Variants in ADGRL3 observed in about 807,000 individuals in gnomAD.
ADGRL3 encodes calcium-independent alpha-latrotoxin receptor 3.
A neutral mutation model predicts 153.5 loss-of-function variants in ADGRL3; 62 were observed. The observed-to-expected ratio is 0.40, with a 90% CI of 0.33 to 0.50. The LOEUF (loss-of-function observed/expected upper bound fraction) is 0.50, where lower values mean the gene tolerates loss of function less well. Ranked by LOEUF, ADGRL3 falls within the 20% of genes least tolerant of loss-of-function variation. The probability of loss-of-function intolerance (pLI) is 0.47; values close to 1 mark genes in which losing one functional copy is unlikely to be tolerated. For synonymous variants in ADGRL3, 710 were observed against 672.5 expected (o/e 1.06, Z -0.86); for missense variants, 1,641 against 1,859.4 (o/e 0.88, Z 2.16).
intron 1 of ADGRL3, among the ~76,000 whole-genome samples, chr4:61,316,034 T>C (rs1310618055): frequency 6.6e-6 from 1 of 152,128 alleles, no homozygotes; most frequent in Non-Finnish European, 1.5e-5. Context: ...TTAATTCCAT[T>C]TGGGGGAGAC....
At chr4:61,951,290 C>T (rs2098946332) in intron 17 of ADGRL3, among the ~76,000 whole-genome samples, 1 of 152,120 alleles carries the variant, frequency 6.6e-6, no homozygotes, top group Admixed American at 6.5e-5. Flanking sequence ...TTCTCAGAAT[C>T]CCCAGAGTTC....
intron 17 of ADGRL3, among the ~76,000 whole-genome samples, chr4:61,972,063 T>C (rs1444697654): frequency 2.0e-5 from 3 of 152,038 alleles, no homozygotes; most frequent in African/African-American, 7.2e-5. Context: ...ATTAGCCCTT[T>C]GTCAGATGAG....
At chr4:61,808,656 A>C (rs2097575930) in intron 8 of ADGRL3, among the ~76,000 whole-genome samples, 1 of 152,212 alleles carries the variant, frequency 6.6e-6, no homozygotes, top group Non-Finnish European at 1.5e-5. Context: ...TGAAGACAAA[A>C]AAAATCAAGC....
At chr4:61,464,019 A>G (rs969678500) in intron 2 of ADGRL3, among the ~76,000 whole-genome samples, 5 of 152,184 alleles carry the variant, frequency 3.3e-5, no homozygotes, top group African/African-American at 1.2e-4. Context: ...CTCTATTACA[A>G]CTACGCACAT....
At chr4:61,901,797 G>A (rs2098666080) in intron 11 of ADGRL3, among the ~76,000 whole-genome samples, 1 of 152,040 alleles carries the variant, frequency 6.6e-6, no homozygotes, top group Non-Finnish European at 1.5e-5. Context: ...TTTAACTAAA[G>A]CTACTGGGTT....
At chr4:61,883,989 A>G (rs1208785477) in intron 9 of ADGRL3, among the ~76,000 whole-genome samples, 3 of 152,132 alleles carry the variant, frequency 2.0e-5, no homozygotes, top group South Asian at 2.1e-4. Flanking sequence ...TGTATTTTCT[A>G]TCTTCTTTGG....
intron 4 of ADGRL3, among the ~76,000 whole-genome samples, chr4:61,571,489 G>A (rs1174737801): frequency 2.0e-5 from 3 of 151,910 alleles, no homozygotes; most frequent in Non-Finnish European, 2.9e-5. Context: ...CTCCAGCCTG[G>A]GTGACAGAGA....
chr4:61,227,569 T>C (rs918325240), intron 1 of ADGRL3, among the ~76,000 whole-genome samples: 5 of 151,958 alleles, frequency 3.3e-5, no homozygotes, highest in Admixed American at 6.6e-5. Flanking sequence ...AAAGTCATAA[T>C]GGCAAAGAAT....
intron 2 of ADGRL3, among the ~76,000 whole-genome samples, chr4:61,458,808 C>G (rs1028086132): frequency 6.0e-5 from 9 of 151,248 alleles, no homozygotes; most frequent in Non-Finnish European, 1.3e-4. Context: ...TAGATGTTCT[C>G]TAGATAATTT....
intron 8 of ADGRL3, among the ~76,000 whole-genome samples, chr4:61,751,973 T>G (rs1356018892): frequency 1.3e-5 from 2 of 152,158 alleles, no homozygotes; most frequent in East Asian, 3.9e-4. Flanking sequence ...GAACGGCATT[T>G]TCTTATTTTA....
In ADGRL3 at chr4:61,893,869, G is replaced by A. The variant is rs542390366; in HGVS notation, c.1783+911G>A. Among the ~76,000 whole-genome samples the A allele has an allele frequency of 2.8e-4, 43 of 151,760 alleles. 1 individual carries two copies. The South Asian group carries it at 6.7e-3, about 24-fold the overall frequency. On this transcript the variant is annotated intron_variant, in intron 10 of 26. Transcript: ENST00000683033. ...ATTACAGGCGCCCACCACCATGCCCGGCTAATTCTTTTTTGTATTTTTAGT... is the reference window on the plus strand; with the variant it reads ...ATTACAGGCGCCCACCACCATGCCCAGCTAATTCTTTTTTGTATTTTTAGT...
At chr4:61,588,802 G>A (rs2098957277) in intron 5 of ADGRL3, among the ~76,000 whole-genome samples, 1 of 151,866 alleles carries the variant, frequency 6.6e-6, no homozygotes, top group Non-Finnish European at 1.5e-5. Flanking sequence ...TTCAGGAGTG[G>A]TTTTCTATGA....
chr4:61,847,625 TAA>T (rs1457604539), intron 9 of ADGRL3, among the ~76,000 whole-genome samples: 26 of 44,730 alleles, frequency 5.8e-4, no homozygotes, highest in African/African-American at 1.6e-3. Context: ...ATATATAATA[TAA>T]AATATATTAT....
chr4:61,744,068 C>T (rs145473133), intron 8 of ADGRL3, among the ~76,000 whole-genome samples: 4,027 of 152,282 alleles, frequency 0.026, 66 homozygotes, highest in East Asian at 0.099. Context: ...ATATCCCGCA[C>T]CTGGCTCGGA....
intron 2 of ADGRL3, among the ~76,000 whole-genome samples, chr4:61,406,349 C>T (rs759818969): frequency 1.4e-4 from 21 of 151,728 alleles, no homozygotes; most frequent in African/African-American, 2.7e-4. Flanking sequence ...TGTTAAATTT[C>T]GTAGGTTAAA....
chr4:61,746,221 C>A (rs2096658871), intron 8 of ADGRL3, among the ~76,000 whole-genome samples: 3 of 152,136 alleles, frequency 2.0e-5, no homozygotes, highest in Non-Finnish European at 2.9e-5. Context: ...TCCTGAGTGA[C>A]CTACAAAGAG....
chr4:61,673,313 C>G (rs905594581), intron 5 of ADGRL3, among the ~76,000 whole-genome samples: 1 of 151,772 alleles, frequency 6.6e-6, no homozygotes, highest in African/African-American at 2.4e-5. Flanking sequence ...TTTTACAACA[C>G]AGTAAAAGAT....
intron 1 of ADGRL3, among the ~76,000 whole-genome samples, chr4:61,249,329 A>G (rs979821940): frequency 6.6e-6 from 1 of 152,200 alleles, no homozygotes; most frequent in Admixed American, 6.6e-5. Context: ...TAGACAGTAC[A>G]GAAATACATT....
In ADGRL3 at chr4:61,779,739, GTT is replaced by G. The variant is rs1376827681; in HGVS notation, c.1400-34065_1400-34064del. The stretch of plus-strand genomic sequence containing the variant: ...AAATATAGTAAAAATATGTTAAACT[GTT>G]TTTTGTGTTTTAAATTTCTGTGACT... On this transcript the variant is annotated intron_variant, in intron 8 of 26. Coordinates refer to ENST00000683033, the MANE Select transcript of ADGRL3 (RefSeq NM_001387552.1). 2.7e-5 allele frequency among the ~76,000 whole-genome samples: 4 copies of G among 150,398 alleles called. No homozygotes were observed. In the South Asian group the frequency reaches 6.3e-4, roughly 24 times the overall value.
Sources: allele counts gnomAD v4.1 joint callset (sites outside exome capture counted in the v4.1 genomes callset), GRCh38; gene constraint gnomAD v4.1.1; transcripts MANE v1.5; gene names NCBI Gene and HGNC (gene_info 2026-07-23, HGNC 2026-07-21).